Variants in PTPRD observed in about 807,000 individuals in gnomAD.
The protein encoded by PTPRD is protein tyrosine phosphatase receptor type D, also known as receptor-type tyrosine-protein phosphatase delta.
Under a neutral mutation model 214.5 loss-of-function variants are expected in PTPRD, and 34 were observed. The observed-to-expected ratio is 0.16, with a 90% CI of 0.12 to 0.21. The LOEUF is 0.21. Ranked by LOEUF, PTPRD falls within the 10% of genes least tolerant of loss-of-function variation. PTPRD has a pLI of 1.00. For synonymous variants in PTPRD, 1,128 were observed against 845.7 expected (o/e 1.33, Z -5.79); for missense variants, 2,545 against 2,398.7 (o/e 1.06, Z -1.27).
intron 2 of PTPRD, among the ~76,000 whole-genome samples, chr9:10,611,980 G>C (rs1591990923): frequency 6.6e-6 from 1 of 150,540 alleles, no homozygotes; most frequent in South Asian, 2.1e-4. Context: ...GTCAGAGTAG[G>C]GTGGGAGTTA....
At chr9:8,913,670 C>T (rs754556185) in intron 11 of PTPRD, among the ~76,000 whole-genome samples, 2 of 152,114 alleles carry the variant, frequency 1.3e-5, no homozygotes, top group Admixed American at 6.6e-5. Flanking sequence ...ACTTTCCCTA[C>T]CCCATTCCCC....
At chr9:8,669,616 C>T (rs894080343) in intron 12 of PTPRD, among the ~76,000 whole-genome samples, 15 of 152,154 alleles carry the variant, frequency 9.9e-5, no homozygotes, top group Non-Finnish European at 1.8e-4. Context: ...GAAACCCCAA[C>T]TCATGCAAAT....
intron 14 of PTPRD, among the ~76,000 whole-genome samples, chr9:8,628,925 T>G (rs912876927): frequency 1.3e-5 from 2 of 151,798 alleles, no homozygotes; most frequent in Admixed American, 1.3e-4. Context: ...CAAAGCCAGT[T>G]CCCTATAAAT....
chr9:10,605,213 T>C (rs1050394760), intron 2 of PTPRD, among the ~76,000 whole-genome samples: 32 of 151,848 alleles, frequency 2.1e-4, no homozygotes, highest in African/African-American at 7.7e-4. Context: ...TTCCTCATTT[T>C]TCTCTGTCTA....
intron 8 of PTPRD, among the ~76,000 whole-genome samples, chr9:9,567,823 A>G (rs1454759748): frequency 1.3e-5 from 2 of 151,992 alleles, no homozygotes; most frequent in East Asian, 3.9e-4. Flanking sequence ...AATGATCCTT[A>G]TAGGCTGGGG....
At chr9:10,198,767 T>A (rs1055067230) in intron 3 of PTPRD, among the ~76,000 whole-genome samples, 1 of 152,100 alleles carries the variant, frequency 6.6e-6, no homozygotes, top group African/African-American at 2.4e-5. Flanking sequence ...AATCCATTAT[T>A]CCCAGTGATA....
chr9:8,973,554 G>A (rs1030789642), intron 11 of PTPRD, among the ~76,000 whole-genome samples: 1 of 152,018 alleles, frequency 6.6e-6, no homozygotes, highest in African/African-American at 2.4e-5. Context: ...TTAGTATAAT[G>A]ATCTATATTC....
chr9:10,346,746 T>TG (rs2097091280), intron 2 of PTPRD, among the ~76,000 whole-genome samples: 1 of 152,166 alleles, frequency 6.6e-6, no homozygotes, highest in Non-Finnish European at 1.5e-5. Flanking sequence ...CCTGTACTTG[T>TG]GTTACATTTA....
intron 9 of PTPRD, among the ~76,000 whole-genome samples, chr9:9,222,910 A>C (rs1190042939): frequency 2.6e-5 from 4 of 152,092 alleles, no homozygotes; most frequent in Non-Finnish European, 5.9e-5. Flanking sequence ...GCCTCATTTA[A>C]AAAACAATGC....
chr9:9,525,924 C>T (rs1048283584), intron 8 of PTPRD, among the ~76,000 whole-genome samples: 5 of 151,830 alleles, frequency 3.3e-5, no homozygotes, highest in African/African-American at 1.2e-4. Flanking sequence ...AAAAACATTG[C>T]CTCACTCTAG....
At chr9:9,271,251 A>G (rs755622804) in intron 9 of PTPRD, among the ~76,000 whole-genome samples, 1 of 151,234 alleles carries the variant, frequency 6.6e-6, no homozygotes, top group Non-Finnish European at 1.5e-5. Context: ...AAGCATTGAG[A>G]GTATTTTTTT....
chr9:8,730,570 A>G (rs1164674862), intron 12 of PTPRD, among the ~76,000 whole-genome samples: 2 of 152,262 alleles, frequency 1.3e-5, no homozygotes, highest in African/African-American at 4.8e-5. Context: ...AACTGGTCTG[A>G]CAAAGAAGAT....
chr9:8,947,265 C>G (rs748809515), intron 11 of PTPRD, among the ~76,000 whole-genome samples: 47 of 151,204 alleles, frequency 3.1e-4, no homozygotes, highest in Non-Finnish European at 2.8e-4. Context: ...AGATCAAGAC[C>G]ATCCTGGCTA....
intron 9 of PTPRD, among the ~76,000 whole-genome samples, chr9:9,213,287 T>G (rs2099949996): frequency 6.6e-6 from 1 of 151,922 alleles, no homozygotes; most frequent in African/African-American, 2.4e-5. Flanking sequence ...GAGTTGGGAG[T>G]GTTGGGGGAC....
At chr9:10,449,603 C>T (rs947646220) in intron 2 of PTPRD, among the ~76,000 whole-genome samples, 1 of 151,232 alleles carries the variant, frequency 6.6e-6, no homozygotes, top group African/African-American at 2.4e-5. Context: ...GGGTCTCTGC[C>T]CAGCCGCCCA....
intron 34 of PTPRD, chr9:8,437,059 T>C (rs1043538453): frequency 1.5e-6 from 1 of 651,794 alleles, no homozygotes; most frequent in African/African-American, 1.8e-5. Context: ...TCTCCTGCAC[T>C]GTGTGAAATG....
intron 7 of PTPRD, among the ~76,000 whole-genome samples, chr9:9,603,631 T>C (rs1399721561): frequency 6.6e-6 from 1 of 152,046 alleles, no homozygotes; most frequent in Non-Finnish European, 1.5e-5. Flanking sequence ...GAACAGTGCA[T>C]GTGTGAGGGA....
intron 11 of PTPRD, among the ~76,000 whole-genome samples, chr9:8,757,097 G>A (rs536830769): frequency 4.1e-4 from 62 of 152,276 alleles, no homozygotes; most frequent in African/African-American, 1.3e-3. Flanking sequence ...AGCCAAGATC[G>A]TGCCAGTGCA....
chr9:10,367,375 T>C (rs529848059), intron 2 of PTPRD, among the ~76,000 whole-genome samples: 3 of 152,204 alleles, frequency 2.0e-5, no homozygotes, highest in African/African-American at 7.2e-5. Flanking sequence ...ATAATAATCA[T>C]AAAAGGAAGA....
Sources: allele counts gnomAD v4.1 joint callset (sites outside exome capture counted in the v4.1 genomes callset), GRCh38; gene constraint gnomAD v4.1.1; transcripts MANE v1.5; gene names NCBI Gene and HGNC (gene_info 2026-07-23, HGNC 2026-07-21).